PSME4: variants seen among roughly 807,000 people sequenced by gnomAD.
The protein encoded by PSME4 is proteasome activator subunit 4.
Under a neutral mutation model 253.9 loss-of-function variants are expected in PSME4, and 89 were observed. The ratio of observed to expected loss-of-function variants is 0.35; its 90% CI spans 0.30 to 0.42. The LOEUF (loss-of-function observed/expected upper bound fraction) is 0.42. Among genes scored for constraint, PSME4 ranks in the 10% least tolerant of loss-of-function variants. PSME4 has a pLI of 1.00. For missense variants in PSME4, 2,014 were observed against 2,195.2 expected (o/e 0.92, Z 1.65); for synonymous variants, 851 against 759.2 (o/e 1.12, Z -1.99).
rs1426150885 is a variant in PSME4, at chr2:53,925,976, G to A, written c.1641C>T (p.Val547=). 9.3e-6 allele frequency: 15 copies of A among 1,613,310 alleles called. No homozygotes were observed. The highest frequency in any genetic ancestry group is 1.7e-5 in the Admixed American group (1 of 59,998). Residue 547 remains valine (V), a synonymous_variant, in exon 13 of 47, where the codon GTC becomes GTT. Coordinates refer to ENST00000404125, the MANE Select transcript of PSME4 (RefSeq NM_014614.3). ...AAGCTCACCTGTCCATAAACTGTAA[G>A]ACGAAATCCTCAAATTCAGCTGTGG... ...CSATAEFEDF[V]LQFMDRCFGL...
At chr2:53,893,094 A>T in intron 35 of PSME4, 134 bp from the exon 36 acceptor site, 2 of 651,080 alleles carry the variant, frequency 3.1e-6, no homozygotes, top group East Asian at 5.8e-5. Context: ...TGCTTTAACA[A>T]TTGCGGTAAG....
At chr2:53,902,248 A>G (rs1429564829) in intron 27 of PSME4, among the ~76,000 whole-genome samples, 3 of 152,236 alleles carry the variant, frequency 2.0e-5, no homozygotes, top group African/African-American at 7.2e-5. Context: ...AATTTATTAA[A>G]TATTAGTTAA....
intron 43 of PSME4, chr2:53,871,099 C>T (rs1678855437): frequency 6.6e-6 from 1 of 152,332 alleles, no homozygotes; most frequent in Non-Finnish European, 1.5e-5. Context: ...TTATACCTTA[C>T]ACTGCTTTTC....
intron 21 of PSME4, among the ~76,000 whole-genome samples, chr2:53,909,615 A>G (rs1225686731): frequency 6.6e-6 from 1 of 152,188 alleles, no homozygotes; most frequent in Non-Finnish European, 1.5e-5. Flanking sequence ...TGTATAATTA[A>G]TATTCTTTTC....
Position 53,899,928 on chromosome 2 carries a change from A to T in PSME4, c.3375T>A (p.Ile1125=). ...CCTGTTGGCGTTTAATTCCTTCCTT[A>T]ATTTTTTCTGGGCTAAGCAATATCT... ...INQILLSPEK[I]KEGIKRQQEK... The change falls in exon 29 of 47, where the codon ATT becomes ATA. Residue 1125 remains isoleucine, a synonymous_variant. Transcript: ENST00000404125. 4 of 1,613,618 alleles carry T rather than the reference A, an allele frequency of 2.5e-6. No individual in the cohort carries two copies. The highest frequency in any genetic ancestry group is 3.4e-6 in the Non-Finnish European group (4 of 1,179,628).
chr2:53,937,251 C>A, intron 5 of PSME4, 140 bp downstream of exon 5: 2 of 784,322 alleles, frequency 2.5e-6, no homozygotes, highest in Non-Finnish European at 3.9e-6. Flanking sequence ...AGCCTTAACA[C>A]ACTTCAAGTA....
rs1252385860 is a variant in PSME4, at chr2:53,885,683, A to T, written c.4815+7T>A. The T allele has an allele frequency of 6.3e-7, 1 of 1,599,534 alleles. No homozygotes were observed. Among genetic ancestry groups the T allele is most frequent in the East Asian group, 2.2e-5 (1 of 44,714 alleles). On this transcript the variant is annotated splice_region_variant and intron_variant, in intron 41 of 46. Transcript: ENST00000404125. Reference sequence around the variant, plus strand: ...GAGATGCATTCTTAATTTCAGCAAAACCTTACCTTGAAAAACAAAGGTAGA... The same window carrying T: ...GAGATGCATTCTTAATTTCAGCAAATCCTTACCTTGAAAAACAAAGGTAGA...
chr2:53,884,330 C>T (rs1009698946), intron 41 of PSME4, among the ~76,000 whole-genome samples: 3 of 152,188 alleles, frequency 2.0e-5, no homozygotes, highest in Non-Finnish European at 4.4e-5. Flanking sequence ...CCTGCCTCAG[C>T]CTCCCGAGTA....
In PSME4 at chr2:53,866,672, T is replaced by C. The variant is rs973006747; in HGVS notation, c.5397+75A>G. Reference sequence around the variant, plus strand: ...ATGAAAGCAGTTAGTTCAGAGTGTATAGGAAATTATTATTATGGTTTCTTA... The same window carrying C: ...ATGAAAGCAGTTAGTTCAGAGTGTACAGGAAATTATTATTATGGTTTCTTA... On this transcript the variant is annotated intron_variant, in intron 45 of 46. Coordinates refer to ENST00000404125, the MANE Select transcript of PSME4 (RefSeq NM_014614.3). The C allele has an allele frequency of 1.2e-5, 18 of 1,477,766 alleles. No individual in the cohort carries two copies. In the African/African-American group the frequency reaches 2.1e-4, roughly 17 times the overall value. 91.5% of individuals were successfully genotyped at this position (1,477,766 alleles called of 1,614,324 possible). A position where few individuals can be genotyped will look rare whatever the true frequency, so the allele number is the denominator to read the frequency against.
At chr2:53,906,894 C>G (rs747354747) in intron 24 of PSME4, 26 bp from the exon 25 acceptor site, 10 of 1,605,112 alleles carry the variant, frequency 6.2e-6, no homozygotes, top group Non-Finnish European at 8.5e-6. Context: ...GCAACAAATA[C>G]TTCAACATTT....
At chr2:53,904,391 G>C (rs978917894) in intron 26 of PSME4, among the ~76,000 whole-genome samples, 5 of 152,262 alleles carry the variant, frequency 3.3e-5, no homozygotes, top group African/African-American at 1.2e-4. Context: ...AAATATGTTT[G>C]ATAAAGGGGA....
At chr2:53,959,844 G>A (rs1478029899) in intron 1 of PSME4, among the ~76,000 whole-genome samples, 4 of 152,128 alleles carry the variant, frequency 2.6e-5, no homozygotes, top group Non-Finnish European at 5.9e-5. Flanking sequence ...AGACAATAAT[G>A]ACTCAAACAG....
At chr2:53,927,346 T>A in intron 12 of PSME4, 48 bp downstream of exon 12, 2 of 1,313,764 alleles carry the variant, frequency 1.5e-6, no homozygotes, top group Non-Finnish European at 1.1e-6. Flanking sequence ...GCATATGCAA[T>A]AATAATTAGA....
chr2:53,868,894 C>T (rs1678734774), intron 44 of PSME4, among the ~76,000 whole-genome samples: 2 of 151,796 alleles, frequency 1.3e-5, no homozygotes, highest in African/African-American at 4.8e-5. Context: ...TCGTGTTTAT[C>T]TTGTGTCTAT....
intron 18 of PSME4, 26 bp from the exon 19 acceptor site, chr2:53,920,376 C>A: frequency 1.3e-6 from 2 of 1,547,808 alleles, no homozygotes; most frequent in South Asian, 1.3e-5. Flanking sequence ...ATCTACTCAG[C>A]AAGTTGAGAA....
At chr2:53,880,203 T>C (rs1179279127) in intron 41 of PSME4, among the ~76,000 whole-genome samples, 1 of 152,182 alleles carries the variant, frequency 6.6e-6, no homozygotes, top group African/African-American at 2.4e-5. Flanking sequence ...ATGCCCATCA[T>C]CCTAGCACTT....
intron 4 of PSME4, 99 bp from the exon 5 acceptor site, chr2:53,937,639 T>A (rs530293833): frequency 9.3e-7 from 1 of 1,071,126 alleles, no homozygotes; most frequent in East Asian, 2.4e-5. Context: ...AGGAGGAGAA[T>A]ATATGTCATA....
At chr2:53,893,649 G>A (rs1318510680) in intron 35 of PSME4, 25 bp downstream of exon 35, 1 of 1,602,394 alleles carries the variant, frequency 6.2e-7, no homozygotes, top group Non-Finnish European at 8.5e-7. Context: ...GCATTACAAA[G>A]AGGATATGTA....
At chr2:53,934,201 C>G (rs1668998086) in intron 8 of PSME4, among the ~76,000 whole-genome samples, 2 of 152,092 alleles carry the variant, frequency 1.3e-5, no homozygotes. Context: ...ACTAAGATTA[C>G]TTTGTTAGTA....
Sources: gnomAD v4.1 joint callset for allele counts (sites outside exome capture counted in the v4.1 genomes callset) on GRCh38, gnomAD v4.1.1 for gene constraint, MANE v1.5 for transcripts, NCBI Gene and HGNC (gene_info 2026-07-23, HGNC 2026-07-21) for gene names.